Variants in RBBP7 observed in about 807,000 individuals in gnomAD.
RBBP7 encodes histone-binding protein RBBP7.
Under a neutral mutation model 35.2 loss-of-function variants are expected in RBBP7, and 5 were observed. The ratio of observed to expected loss-of-function variants is 0.14; its 90% CI spans 0.07 to 0.30. RBBP7 has a LOEUF of 0.30. RBBP7 is among the 10% of genes least tolerant of loss of function. RBBP7 has a pLI of 1.00. For synonymous variants in RBBP7, 140 were observed against 118.7 expected, an observed-to-expected ratio of 1.18 and a Z score of -1.17; for missense variants, 155 against 327.5, an observed-to-expected ratio of 0.47 and a Z score of 4.07.
Position 16,845,935 on chromosome X carries a change from T to C in RBBP7, c.1102A>G (p.Ile368Val). ...ATCTTAGCAGTGTGTCCTCCATGAA[T>C]AAACTGTTACAAGAACAAAAAAAGC... ...AEDGPPELLF[I>V]HGGHTAKISD... The change falls in exon 11 of 12, where the codon ATT (isoleucine) becomes GTT (valine). Residue 368 changes from isoleucine (I) to valine (V), a missense_variant. This residue lies in a region of RBBP7 where 79 missense variants were observed against 220.8 expected (regional missense o/e 0.36). Transcript: ENST00000380087. 1 of 1,207,865 alleles carries C rather than the reference T, an allele frequency of 8.3e-7. No homozygotes were observed. Among genetic ancestry groups the C allele is most frequent in the African/African-American group, 1.7e-5 (1 of 57,554 alleles).
Position 16,852,130 on chromosome X carries a change from T to C in RBBP7, c.964-8A>G, listed in dbSNP as rs904631720. The C allele has an allele frequency of 1.7e-6, 2 of 1,168,547 alleles. No individual in the cohort carries two copies. Among genetic ancestry groups the C allele is most frequent in the Non-Finnish European group, 2.3e-6 (2 of 857,146 alleles). ...ATGTGGAGACCAGTGGACCTAGTAA[T>C]AGATAATTTTGAAAATGTATTTAAA... On this transcript the variant is annotated splice_region_variant and splice_polypyrimidine_tract_variant and intron_variant, in intron 8 of 11. Coordinates refer to ENST00000380087, the MANE Select transcript of RBBP7 (RefSeq NM_002893.4).
intron 3 of RBBP7, 96 bp downstream of exon 3, chrX:16,862,859 A>T: frequency 1.0e-6 from 1 of 966,088 alleles, no homozygotes; most frequent in Non-Finnish European, 1.4e-6. Context: ...AAGTTAAATT[A>T]CTGGGCCAAA....
chrX:16,853,969 G>A (rs747158221), intron 5 of RBBP7, 127 bp from the exon 6 acceptor site: 14 of 509,218 alleles, frequency 2.7e-5, no homozygotes, highest in African/African-American at 5.1e-5. Flanking sequence ...TGCAGCCTCC[G>A]CCTCCAGGGC....
intron 9 of RBBP7, among the ~76,000 whole-genome samples, 155 bp downstream of exon 9, chrX:16,851,891 G>C (rs911444490): frequency 8.9e-6 from 1 of 112,308 alleles, no homozygotes; most frequent in African/African-American, 3.2e-5. Context: ...CTATTTTACA[G>C]AACAAAGGCT....
At chrX:16,869,565 A>G (rs965419417) in intron 1 of RBBP7, 2 of 1,164,813 alleles carry the variant, frequency 1.7e-6, no homozygotes, top group Non-Finnish European at 2.3e-6. Context: ...CACGTGTAGC[A>G]GAAGCCCACA....
chrX:16,847,990 CTT>C (rs1261967619), intron 10 of RBBP7: 2 of 111,802 alleles, frequency 1.8e-5, no homozygotes, highest in Non-Finnish European at 1.9e-5. Context: ...ATACGCTTTC[CTT>C]TCTCCCTAAA....
intron 10 of RBBP7, chrX:16,847,065 G>A (rs773548465): frequency 9.0e-6 from 1 of 111,185 alleles, no homozygotes; most frequent in South Asian, 3.8e-4. Context: ...GGAGGTGGAG[G>A]TTGCAGTGAA....
chrX:16,861,233 T>C (rs761924619), intron 3 of RBBP7, among the ~76,000 whole-genome samples: 1 of 112,283 alleles, frequency 8.9e-6, no homozygotes, highest in Non-Finnish European at 1.9e-5. Context: ...ATGCATACAG[T>C]TGTCGGGGAA....
chrX:16,867,660 GATT>G lies in RBBP7; in HGVS notation c.161+1413_161+1415del, dbSNP rs1369486543. On this transcript the variant is annotated intron_variant, in intron 2 of 11. Transcript: ENST00000380087. ...TGTAAGAGCAGTTTTATATACATTA[GATT>G]ATTATTATAATAATTATTTTTATTT... is the stretch of plus-strand genomic sequence containing the variant. 7.2e-5 allele frequency among the ~76,000 whole-genome samples: 8 copies of G among 110,792 alleles called. No homozygotes were observed. In the South Asian group the frequency reaches 1.5e-3, roughly 21 times the overall value.
intron 3 of RBBP7, among the ~76,000 whole-genome samples, chrX:16,860,684 AG>A (rs1930452386): frequency 9.2e-6 from 1 of 108,559 alleles, no homozygotes; most frequent in South Asian, 3.9e-4. Context: ...GAAAAAAAAA[AG>A]AAAAAAAAAA....
intron 2 of RBBP7, among the ~76,000 whole-genome samples, chrX:16,866,591 C>T: frequency 9.7e-6 from 1 of 102,802 alleles, no homozygotes; most frequent in Non-Finnish European, 2.0e-5. Flanking sequence ...AGAAAGCAAG[C>T]CAGCCAGCCA....
At position 16,858,868 on chromosome X, in the gene RBBP7, A is replaced by AAC. The variant is rs373821489; in HGVS notation, c.308-21_308-20dup. The AAC allele has an allele frequency of 1.0e-3, 1,126 of 1,122,333 alleles. 1 individual carries two copies. Among genetic ancestry groups the AAC allele is most frequent in the African/African-American group, 8.2e-3 (448 of 54,847 alleles). The allele number at this position is 1,122,333 out of a possible 1,213,427, so 92.5% of individuals were successfully genotyped here. ...CCAAATTCTAATGTGAGGAGAAAGAAACACACACACACACACTCAGGATTA... is the reference window on the plus strand; with the variant it reads ...CCAAATTCTAATGTGAGGAGAAAGAAACACACACACACACACACTCAGGATTA... On this transcript the variant is annotated intron_variant, in intron 3 of 11. Coordinates refer to ENST00000380087, the MANE Select transcript of RBBP7 (RefSeq NM_002893.4).
intron 2 of RBBP7, among the ~76,000 whole-genome samples, chrX:16,864,526 CAAAAAAA>C (rs61357554): frequency 3.0e-4 from 8 of 26,245 alleles, no homozygotes; most frequent in African/African-American, 1.2e-3. Flanking sequence ...ACTCCGTCTC[CAAAAAAA>C]AAAAAAAAAA....
intron 11 of RBBP7, among the ~76,000 whole-genome samples, 183 bp from the exon 12 acceptor site, chrX:16,845,286 C>T (rs140423015): frequency 8.9e-6 from 1 of 112,240 alleles, no homozygotes; most frequent in Non-Finnish European, 1.9e-5. Context: ...TGTGTAATTC[C>T]GTATGTATAC....
chrX:16,846,170 T>G, intron 10 of RBBP7: 1 of 354,994 alleles, frequency 2.8e-6, no homozygotes, highest in Non-Finnish European at 4.4e-6. Context: ...TTTACCTAGA[T>G]TCACCAAGTG....
Position 16,870,075 on chromosome X carries a change from C to G in RBBP7, c.-22G>C, listed in dbSNP as rs1930745057. The G allele has an allele frequency of 1.8e-6, 2 of 1,087,555 alleles. No individual in the cohort carries two copies. The highest frequency in any genetic ancestry group is 2.4e-6 in the Non-Finnish European group (2 of 824,853). 89.6% of individuals were successfully genotyped at this position (1,087,555 alleles called of 1,213,427 possible). A position where few individuals can be genotyped will look rare whatever the true frequency, so the allele number is the denominator to read the frequency against. On this transcript the variant is annotated 5_prime_UTR_variant, in exon 1 of 12. Coordinates refer to ENST00000380087, the MANE Select transcript of RBBP7 (RefSeq NM_002893.4). Reference sequence around the variant, plus strand: ...CCATCTTGCGTCGGGTCGTTCGCCCCTCGCCGCCGCCTCGGACTCCTCTCG... The same window carrying G: ...CCATCTTGCGTCGGGTCGTTCGCCCGTCGCCGCCGCCTCGGACTCCTCTCG...
chrX:16,862,640 C>T (rs1930503122), intron 3 of RBBP7, among the ~76,000 whole-genome samples: 2 of 111,333 alleles, frequency 1.8e-5, no homozygotes, highest in South Asian at 7.6e-4. Flanking sequence ...ACCTTGGCCT[C>T]CCAAAGTGCT....
intron 5 of RBBP7, among the ~76,000 whole-genome samples, chrX:16,855,053 C>CTT (rs66524293): frequency 1.2e-5 from 1 of 86,872 alleles, no homozygotes; most frequent in African/African-American, 4.4e-5. Flanking sequence ...ATTAAATCAC[C>CTT]TTTTTTTTTT....
chrX:16,852,215 C>T, intron 8 of RBBP7, 93 bp from the exon 9 acceptor site: 2 of 800,745 alleles, frequency 2.5e-6, no homozygotes, highest in East Asian at 3.2e-5. Flanking sequence ...CCATCTTGCA[C>T]TCTATTATCT....
Sources: gnomAD v4.1 joint callset for allele counts (sites outside exome capture counted in the v4.1 genomes callset) on GRCh38, gnomAD v4.1.1 for gene constraint, gnomAD v4.1.1 regional missense constraint, MANE v1.5 for transcripts, NCBI Gene and HGNC (gene_info 2026-07-23, HGNC 2026-07-21) for gene names.